RIMOC1: variants seen among roughly 807,000 people sequenced by gnomAD.
RIMOC1 encodes RAB7A-interacting MON1-CCZ1 complex subunit 1.
At chr5:41,913,259 T>C in the RIMOC1 span, among the ~76,000 whole-genome samples, 2 of 152,308 alleles carry the variant, frequency 1.3e-5, no homozygotes, top group Admixed American at 1.3e-4. Context: ...TACTTAGCTA[T>C]AAGGAAACCT....
chr5:41,905,899 C>A, the RIMOC1 span, among the ~76,000 whole-genome samples: 2 of 152,128 alleles, frequency 1.3e-5, no homozygotes, highest in Admixed American at 6.5e-5. Context: ...AATAAAATGA[C>A]AATGTTAGTG....
At chr5:41,907,204 T>C in the RIMOC1 span, among the ~76,000 whole-genome samples, 1 of 152,212 alleles carries the variant, frequency 6.6e-6, no homozygotes, top group Non-Finnish European at 1.5e-5. Context: ...AGGAATTAAA[T>C]ACACAGATGT....
At chr5:41,917,961 A>T in the RIMOC1 span, 1 of 971,152 alleles carries the variant, frequency 1.0e-6, no homozygotes. Flanking sequence ...TTTTCAAGTG[A>T]GTAATGAAGA....
chr5:41,905,239 A>C, the RIMOC1 span, among the ~76,000 whole-genome samples: 7 of 152,334 alleles, frequency 4.6e-5, no homozygotes. Flanking sequence ...TTCTTAAGCG[A>C]TTGAATAGTT....
At chr5:41,918,753 C>T in the RIMOC1 span, 1 of 985,358 alleles carries the variant, frequency 1.0e-6, no homozygotes. Context: ...GCCCTCTGCC[C>T]CTCCCCTAGC....
chr5:41,913,975 C>G, the RIMOC1 span, among the ~76,000 whole-genome samples: 1 of 152,090 alleles, frequency 6.6e-6, no homozygotes, highest in African/African-American at 2.4e-5. Flanking sequence ...TAAAAAATTT[C>G]TATTTATACA....
At chr5:41,918,386 C>T in the RIMOC1 span, 13 of 985,816 alleles carry the variant, frequency 1.3e-5, no homozygotes, top group African/African-American at 3.5e-5. Context: ...CCTTCTTACC[C>T]CCTTTTCTTG....
At chr5:41,906,585 A>G in the RIMOC1 span, among the ~76,000 whole-genome samples, 1 of 152,208 alleles carries the variant, frequency 6.6e-6, no homozygotes, top group Non-Finnish European at 1.5e-5. Flanking sequence ...ATCTTTTTCT[A>G]CATTGTGTGG....
chr5:41,909,277 T>C, the RIMOC1 span, among the ~76,000 whole-genome samples: 1 of 152,124 alleles, frequency 6.6e-6, no homozygotes, highest in Non-Finnish European at 1.5e-5. Context: ...GTTGATGGTA[T>C]GCTTCCTCTA....
chr5:41,918,858 A>C, the RIMOC1 span: 1 of 734,588 alleles, frequency 1.4e-6, no homozygotes, highest in Non-Finnish European at 1.7e-6. Context: ...TTAGAGGAAA[A>C]GAGGTTGCCT....
At chr5:41,917,697 A>C in the RIMOC1 span, 5 of 965,232 alleles carry the variant, frequency 5.2e-6, no homozygotes, top group Non-Finnish European at 4.9e-6. Context: ...GCCATGCTTC[A>C]GAAATTAAAG....
chr5:41,919,515 T>A, the RIMOC1 span: 1 of 152,220 alleles, frequency 6.6e-6, no homozygotes. Context: ...AGTTTTCTTA[T>A]GAAAATACCT....
At chr5:41,915,463 A>G in the RIMOC1 span, among the ~76,000 whole-genome samples, 1 of 152,304 alleles carries the variant, frequency 6.6e-6, no homozygotes, top group East Asian at 1.9e-4. Context: ...ACCACTATTT[A>G]TCATATAGCC....
chr5:41,906,746 T>C, the RIMOC1 span, among the ~76,000 whole-genome samples: 1 of 152,206 alleles, frequency 6.6e-6, no homozygotes, highest in Non-Finnish European at 1.5e-5. Context: ...CCAACAGACA[T>C]AACCTGATGG....
the RIMOC1 span, chr5:41,917,335 C>T: frequency 1.9e-6 from 3 of 1,542,016 alleles, no homozygotes; most frequent in Non-Finnish European, 2.6e-6. Context: ...AGAAAAACAA[C>T]AAAACCCATG....
chr5:41,918,203 G>A, the RIMOC1 span: 17 of 985,708 alleles, frequency 1.7e-5, no homozygotes, highest in Admixed American at 9.8e-4. Flanking sequence ...TCTGCCCAGT[G>A]ACTTTATTAC....
chr5:41,916,893 A>T, the RIMOC1 span: 1 of 779,060 alleles, frequency 1.3e-6, no homozygotes, highest in Non-Finnish European at 1.9e-6. Flanking sequence ...CTTTTGTGTT[A>T]CTGTTAAAGT....
the RIMOC1 span, among the ~76,000 whole-genome samples, chr5:41,907,461 A>C: frequency 6.6e-6 from 1 of 152,180 alleles, no homozygotes; most frequent in African/African-American, 2.4e-5. Flanking sequence ...CATAATGAGA[A>C]TACAGACTGC....
chr5:41,910,155 G>C, the RIMOC1 span, among the ~76,000 whole-genome samples: 1 of 151,646 alleles, frequency 6.6e-6, no homozygotes, highest in East Asian at 1.9e-4. Context: ...TTCCCATTTC[G>C]ACCCCCTTTA....
Sources: allele counts gnomAD v4.1 joint callset (sites outside exome capture counted in the v4.1 genomes callset), GRCh38; gene constraint gnomAD v4.1.1; transcripts MANE v1.5; gene names NCBI Gene and HGNC (gene_info 2026-07-23, HGNC 2026-07-21).